The following DOCK1 variants were observed in gnomAD, a reference collection of about 807,000 sequenced individuals.
DOCK1 encodes dedicator of cytokinesis 1.
DOCK1 carries 138 observed loss-of-function variants against 262.7 expected under a neutral mutation model. The observed-to-expected ratio is 0.53, with a 90% CI of 0.46 to 0.61. The LOEUF (loss-of-function observed/expected upper bound fraction) is 0.61. Among genes scored for constraint, DOCK1 ranks in the 20% least tolerant of loss-of-function variants. The pLI is 0.00. For synonymous variants in DOCK1, 866 were observed against 867.4 expected, an observed-to-expected ratio of 1.00 and a Z score of 0.03; for missense variants, 1,908 against 2,370.7, an observed-to-expected ratio of 0.80 and a Z score of 4.05.
At chr10:126,942,561 C>T (rs1414975649) in intron 1 of DOCK1, among the ~76,000 whole-genome samples, 2 of 152,112 alleles carry the variant, frequency 1.3e-5, no homozygotes, top group Middle Eastern at 6.3e-3. Flanking sequence ...CTCCTTCCTT[C>T]TGATTTGCAG....
At chr10:126,955,436 C>T (rs1347840603) in intron 1 of DOCK1, among the ~76,000 whole-genome samples, 2 of 152,188 alleles carry the variant, frequency 1.3e-5, no homozygotes, top group East Asian at 1.9e-4. Flanking sequence ...AATTTTTGAA[C>T]AAAGGCCTTT....
In DOCK1 at chr10:126,996,894, C is replaced by T. The variant is rs367883319; in HGVS notation, c.609+11C>T. On this transcript the variant is annotated intron_variant, in intron 7 of 51. Coordinates refer to ENST00000623213, the MANE Select transcript of DOCK1 (RefSeq NM_001290223.2). ...TTACAAGAGGAAAAAGTAAGTTTGA[C>T]TCTGTCATATGCCATTCACGTTTTC... 6.3e-7 allele frequency: 1 copy of T among 1,592,278 alleles called. No individual in the cohort carries two copies. The highest frequency in any genetic ancestry group is 1.4e-5 in the African/African-American group (1 of 73,598).
intron 27 of DOCK1, among the ~76,000 whole-genome samples, chr10:127,146,734 A>G (rs2051895725): frequency 1.3e-5 from 2 of 152,208 alleles, no homozygotes; most frequent in Admixed American, 1.3e-4. Flanking sequence ...TGGTCATTGA[A>G]GCAGGGCTGG....
intron 38 of DOCK1, among the ~76,000 whole-genome samples, chr10:127,401,658 T>G (rs1174336999): frequency 2.0e-5 from 3 of 152,144 alleles, no homozygotes. Context: ...CCAGCTTGTG[T>G]TTCTAGCTCT....
intron 26 of DOCK1, 127 bp downstream of exon 26, chr10:127,125,728 G>A (rs1005875916): frequency 2.7e-5 from 36 of 1,327,566 alleles, no homozygotes; most frequent in Middle Eastern, 1.9e-4. Flanking sequence ...TTTTTGTCTC[G>A]GTAGAGTTGC....
intron 31 of DOCK1, among the ~76,000 whole-genome samples, chr10:127,353,923 A>G (rs1187650812): frequency 6.6e-6 from 1 of 152,228 alleles, no homozygotes; most frequent in African/African-American, 2.4e-5. Flanking sequence ...TGACACGAGG[A>G]TGAGCAGAGC....
chr10:127,398,865 C>G (rs1334314867), intron 38 of DOCK1, among the ~76,000 whole-genome samples: 8 of 152,176 alleles, frequency 5.3e-5, no homozygotes, highest in Non-Finnish European at 2.9e-5. Context: ...GTGTTGTCAT[C>G]CTATCAGAAT....
At chr10:127,178,501 A>G (rs1005638828) in intron 27 of DOCK1, among the ~76,000 whole-genome samples, 3 of 152,214 alleles carry the variant, frequency 2.0e-5, no homozygotes, top group African/African-American at 4.8e-5. Flanking sequence ...AGCCATTACC[A>G]GATGAGCCTG....
chr10:127,167,826 C>T (rs545464075), intron 27 of DOCK1, among the ~76,000 whole-genome samples: 3 of 152,056 alleles, frequency 2.0e-5, no homozygotes, highest in African/African-American at 7.2e-5. Context: ...CCCCCCATCC[C>T]CAAAATACAC....
chr10:126,984,010 G>A (rs2039168643), intron 4 of DOCK1, among the ~76,000 whole-genome samples: 1 of 152,166 alleles, frequency 6.6e-6, no homozygotes, highest in Non-Finnish European at 1.5e-5. Context: ...TAACGCCGAT[G>A]CTCTTATCCT....
intron 1 of DOCK1, among the ~76,000 whole-genome samples, chr10:126,946,211 C>T (rs2035389251): frequency 6.6e-6 from 1 of 152,036 alleles, no homozygotes; most frequent in Non-Finnish European, 1.5e-5. Flanking sequence ...TCTCTGTTTC[C>T]AAGACTTTCA....
At chr10:127,391,910 A>G (rs6482852) in intron 38 of DOCK1, among the ~76,000 whole-genome samples, 4,932 of 151,978 alleles carry the variant, frequency 0.032, 274 homozygotes, top group African/African-American at 0.11. Context: ...ACTGCTTCAA[A>G]GATGCCCAAA....
At chr10:127,256,266 T>A (rs1018371318) in intron 28 of DOCK1, among the ~76,000 whole-genome samples, 4 of 152,244 alleles carry the variant, frequency 2.6e-5, no homozygotes, top group African/African-American at 9.6e-5. Flanking sequence ...CAATTTTAAC[T>A]TGTGCCTCTT....
rs372344932 is a variant in DOCK1, at chr10:127,065,944, T to C, written c.2445+4168T>C. ...CTCTGAAGAGGAGAAGCCCACCTGCTGTGCAGTGCTGACCGTCCCCCTCCC... is the reference window on the plus strand; with the variant it reads ...CTCTGAAGAGGAGAAGCCCACCTGCCGTGCAGTGCTGACCGTCCCCCTCCC... On this transcript the variant is annotated intron_variant, in intron 23 of 51. Transcript: ENST00000623213. Among the ~76,000 whole-genome samples, 246 of 152,160 alleles carry C rather than the reference T, an allele frequency of 1.6e-3. 3 individuals are homozygous for C. The highest frequency in any genetic ancestry group is 5.5e-3 in the African/African-American group (227 of 41,524).
chr10:127,195,825 G>A (rs895043559), intron 27 of DOCK1, among the ~76,000 whole-genome samples: 3 of 152,148 alleles, frequency 2.0e-5, no homozygotes, highest in African/African-American at 7.2e-5. Context: ...TCCGCTCCCG[G>A]CTGCACCGGG....
chr10:127,182,626 T>C lies in DOCK1; in HGVS notation c.2847+54862T>C, dbSNP rs1467855015. The stretch of plus-strand genomic sequence containing the variant: ...AACTGGAAAATATGCCTCCTTGAAA[T>C]GAGACATTATGTCAATGTAAAAAAA... On this transcript the variant is annotated intron_variant, in intron 27 of 51. Transcript: ENST00000623213. 2.0e-5 allele frequency among the ~76,000 whole-genome samples: 3 copies of C among 152,188 alleles called. No homozygotes were observed. In the East Asian group the frequency reaches 5.8e-4, roughly 29 times the overall value.
At chr10:127,207,702 C>T (rs766645371) in intron 27 of DOCK1, among the ~76,000 whole-genome samples, 9 of 152,150 alleles carry the variant, frequency 5.9e-5, no homozygotes, top group Non-Finnish European at 1.3e-4. Context: ...AAGGCCATAA[C>T]ATCGTAACAT....
chr10:127,299,834 G>T (rs1003477396), intron 29 of DOCK1, among the ~76,000 whole-genome samples: 1 of 152,162 alleles, frequency 6.6e-6, no homozygotes, highest in Non-Finnish European at 1.5e-5. Flanking sequence ...CAACCAAGCT[G>T]TTGGAGCCCA....
chr10:127,170,188 T>G (rs2054436469), intron 27 of DOCK1, among the ~76,000 whole-genome samples: 1 of 152,132 alleles, frequency 6.6e-6, no homozygotes, highest in African/African-American at 2.4e-5. Flanking sequence ...GGTACTAGAC[T>G]CTTTGGGTTG....
Sources: allele counts gnomAD v4.1 joint callset (sites outside exome capture counted in the v4.1 genomes callset), GRCh38; gene constraint gnomAD v4.1.1; transcripts MANE v1.5; gene names NCBI Gene and HGNC (gene_info 2026-07-23, HGNC 2026-07-21).